The following MPHOSPH9 variants were observed in gnomAD, a reference collection of about 807,000 sequenced individuals.
MPHOSPH9 encodes the protein M-phase phosphoprotein 9.
In MPHOSPH9, 88 loss-of-function variants were observed where a neutral mutation model predicts 145.5. The ratio of observed to expected loss-of-function variants is 0.60; its 90% CI spans 0.51 to 0.72. MPHOSPH9 has a LOEUF of 0.72. MPHOSPH9 is among the 30% of genes least tolerant of loss of function. The pLI is 0.00. For missense variants in MPHOSPH9, 1,238 were observed against 1,386.6 expected (o/e 0.89, Z 1.70); for synonymous variants, 435 against 486.2 (o/e 0.89, Z 1.39).
rs1338480959 is a variant in MPHOSPH9, at chr12:123,202,009, A to G, written c.1937+155T>C. On this transcript the variant is annotated intron_variant, in intron 11 of 23. Coordinates refer to ENST00000606320, the MANE Select transcript of MPHOSPH9 (RefSeq NM_022782.4). ...GCTCCACGTCAGTTATTAGTGTATT[A>G]TAAGAGGGGGGTTTAGCTTCAAAAA... is the stretch of plus-strand genomic sequence containing the variant. Among the ~76,000 whole-genome samples the G allele has an allele frequency of 2.0e-5, 3 of 152,212 alleles. 1 individual carries two copies. The highest frequency in any genetic ancestry group is 2.0e-4 in the Admixed American group (3 of 15,264).
intron 7 of MPHOSPH9, among the ~76,000 whole-genome samples, chr12:123,213,663 A>G (rs1367023753): frequency 6.6e-6 from 1 of 152,134 alleles, no homozygotes; most frequent in Non-Finnish European, 1.5e-5. Context: ...GATATTTTCA[A>G]TTTATGGTGG....
At chr12:123,187,564 A>G (rs1021299673) in intron 13 of MPHOSPH9, among the ~76,000 whole-genome samples, 3 of 152,110 alleles carry the variant, frequency 2.0e-5, no homozygotes, top group Non-Finnish European at 4.4e-5. Flanking sequence ...TTTTTACAAG[A>G]GCAAAAAAAC....
Position 123,198,394 on chromosome 12 carries a change from C to T in MPHOSPH9, c.1938-60G>A, listed in dbSNP as rs977672791. ...AAAATTATTACCCTTAAAAGTATTA[C>T]ATAAATCTAACCAATTCTCTAATAT... On this transcript the variant is annotated intron_variant, in intron 11 of 23. Coordinates refer to ENST00000606320, the MANE Select transcript of MPHOSPH9 (RefSeq NM_022782.4). 9.1e-6 allele frequency: 12 copies of T among 1,318,828 alleles called. No homozygotes were observed. The African/African-American group carries it at 1.2e-4, about 13-fold the overall frequency. 81.7% of individuals were successfully genotyped at this position (1,318,828 alleles called of 1,614,324 possible).
intron 2 of MPHOSPH9, among the ~76,000 whole-genome samples, chr12:123,229,512 G>T (rs990082560): frequency 1.3e-5 from 2 of 152,204 alleles, no homozygotes; most frequent in African/African-American, 4.8e-5. Flanking sequence ...TCTACTTAGA[G>T]TCTGTTATTG....
Position 123,214,930 on chromosome 12 carries a change from G to A in MPHOSPH9, c.997-96C>T, listed in dbSNP as rs750823609. ...AGCCAGGCCTCAAACCAGGTGGGGA[G>A]AAACCTTCAGAGGGTTCAAAGAAGA... On this transcript the variant is annotated intron_variant, in intron 6 of 23. Coordinates refer to ENST00000606320, the MANE Select transcript of MPHOSPH9 (RefSeq NM_022782.4). 85 of 976,816 alleles carry A rather than the reference G, an allele frequency of 8.7e-5. 1 individual carries two copies. Among genetic ancestry groups the A allele is most frequent in the Non-Finnish European group, 1.4e-4 (84 of 620,112 alleles). The allele number at this position is 976,816 out of a possible 1,614,324, so 60.5% of individuals were successfully genotyped here. A position where few individuals can be genotyped will look rare whatever the true frequency, so the allele number is the denominator to read the frequency against.
chr12:123,237,452 G>A (rs1324412005), upstream of MPHOSPH9, among the ~76,000 whole-genome samples: 1 of 152,112 alleles, frequency 6.6e-6, no homozygotes, highest in Non-Finnish European at 1.5e-5. Flanking sequence ...AAATGAACGA[G>A]ATGTTGGGAT....
upstream of MPHOSPH9, among the ~76,000 whole-genome samples, chr12:123,235,439 A>G (rs1003290783): frequency 2.0e-5 from 3 of 152,008 alleles, no homozygotes; most frequent in Admixed American, 6.6e-5. Flanking sequence ...AGCTCAGCTC[A>G]CTGCAAGCTC....
At chr12:123,207,146 T>TAAAAAAAA (rs35392378) in intron 8 of MPHOSPH9, among the ~76,000 whole-genome samples, 1 of 114,580 alleles carries the variant, frequency 8.7e-6, no homozygotes, top group Non-Finnish European at 1.7e-5. Context: ...CTAAAGTGGT[T>TAAAAAAAA]AAAAAAAAAA....
At chr12:123,192,535 G>A (rs1193746428) in intron 13 of MPHOSPH9, among the ~76,000 whole-genome samples, 1 of 145,974 alleles carries the variant, frequency 6.9e-6, no homozygotes, top group Non-Finnish European at 1.5e-5. Flanking sequence ...AGCCAAGGTG[G>A]AAGAATCACC....
At chr12:123,177,173 C>T (rs147201523) in intron 15 of MPHOSPH9, among the ~76,000 whole-genome samples, 3 of 150,734 alleles carry the variant, frequency 2.0e-5, no homozygotes, top group South Asian at 2.1e-4. Context: ...AGTGAGACTC[C>T]GTCACACACA....
At chr12:123,208,086 C>T (rs373639560) in intron 8 of MPHOSPH9, among the ~76,000 whole-genome samples, 13 of 149,046 alleles carry the variant, frequency 8.7e-5, no homozygotes, top group African/African-American at 1.5e-4. Flanking sequence ...GGCATGGTGG[C>T]GCATGCCCAT....
chr12:123,217,127 A>G (rs1276087767), intron 6 of MPHOSPH9, among the ~76,000 whole-genome samples: 3 of 152,184 alleles, frequency 2.0e-5, no homozygotes, highest in Admixed American at 6.6e-5. Context: ...CTGCTAGCTT[A>G]GCAAAAGGGC....
At chr12:123,200,622 C>CTTTT (rs2046179907) in intron 11 of MPHOSPH9, among the ~76,000 whole-genome samples, 1 of 151,400 alleles carries the variant, frequency 6.6e-6, no homozygotes, top group African/African-American at 2.4e-5. Context: ...ACTTGTTTTC[C>CTTTT]TACAGGAAGT....
At chr12:123,189,899 G>A (rs1297849272) in intron 13 of MPHOSPH9, among the ~76,000 whole-genome samples, 1 of 151,162 alleles carries the variant, frequency 6.6e-6, no homozygotes, top group East Asian at 2.0e-4. Flanking sequence ...TGGTGCCACT[G>A]CACTCCAGCC....
At chr12:123,216,054 G>A (rs962797981) in intron 6 of MPHOSPH9, among the ~76,000 whole-genome samples, 1 of 152,188 alleles carries the variant, frequency 6.6e-6, no homozygotes, top group East Asian at 1.9e-4. Context: ...TGGCTAACAC[G>A]GTGAAACCCC....
At chr12:123,231,279 A>G (rs959646981) in intron 1 of MPHOSPH9, among the ~76,000 whole-genome samples, 2 of 152,196 alleles carry the variant, frequency 1.3e-5, no homozygotes, top group African/African-American at 4.8e-5. Flanking sequence ...CTTTACAATG[A>G]AAGTTCTAGA....
At chr12:123,197,781 C>CAA (rs1172709057) in intron 12 of MPHOSPH9, among the ~76,000 whole-genome samples, 3 of 117,768 alleles carry the variant, frequency 2.5e-5, no homozygotes, top group African/African-American at 3.3e-5. Flanking sequence ...GACTCCATCT[C>CAA]AAAAAAAAGA....
chr12:123,237,763 A>G (rs1022247199), upstream of MPHOSPH9, among the ~76,000 whole-genome samples: 2 of 152,156 alleles, frequency 1.3e-5, no homozygotes, highest in African/African-American at 4.8e-5. Flanking sequence ...AGCAATACTC[A>G]CTGGTTCCAT....
chr12:123,230,193 TA>T, intron 2 of MPHOSPH9, 67 bp downstream of exon 2: 1 of 802,760 alleles, frequency 1.2e-6, no homozygotes, highest in Non-Finnish European at 1.9e-6. Context: ...ACTATTTGGA[TA>T]AGTTGATAAA....
Sources: gnomAD v4.1 joint callset for allele counts (sites outside exome capture counted in the v4.1 genomes callset) on GRCh38, gnomAD v4.1.1 for gene constraint, MANE v1.5 for transcripts, NCBI Gene and HGNC (gene_info 2026-07-23, HGNC 2026-07-21) for gene names.